FGF14: variants seen among roughly 807,000 people sequenced by gnomAD.
The protein encoded by FGF14 is fibroblast growth factor homologous factor 4.
A neutral mutation model predicts 25.5 loss-of-function variants in FGF14; 5 were observed. The observed-to-expected ratio is 0.20, with a 90% CI of 0.10 to 0.41. The LOEUF (loss-of-function observed/expected upper bound fraction) is 0.41. FGF14 is among the 10% of genes least tolerant of loss of function. The pLI, the probability that FGF14 is intolerant of heterozygous loss-of-function variation, is 1.00. For synonymous variants in FGF14, 138 were observed against 118.3 expected (o/e 1.17, Z -1.08); for missense variants, 222 against 320.1 (o/e 0.69, Z 2.34).
chr13:102,164,445 T>G, intron 1 of FGF14, among the ~76,000 whole-genome samples: 1 of 152,112 alleles, frequency 6.6e-6, no homozygotes, highest in Middle Eastern at 3.2e-3. Context: ...AAACAAACAA[T>G]ATCTTTGGGA....
chr13:102,025,871 C>T (rs1035015908), intron 1 of FGF14, among the ~76,000 whole-genome samples: 1 of 151,888 alleles, frequency 6.6e-6, no homozygotes, highest in Admixed American at 6.6e-5. Flanking sequence ...TTGTCAAATT[C>T]ATTTATTAGT....
chr13:102,015,781 T>C (rs899890691), intron 1 of FGF14, among the ~76,000 whole-genome samples: 1 of 152,146 alleles, frequency 6.6e-6, no homozygotes, highest in Non-Finnish European at 1.5e-5. Context: ...GCTCAATGCA[T>C]GCTGTTACCT....
intron 1 of FGF14, among the ~76,000 whole-genome samples, chr13:102,246,751 C>T (rs1594567430): frequency 6.8e-6 from 1 of 148,082 alleles, no homozygotes; most frequent in South Asian, 2.1e-4. Flanking sequence ...TTATATGGAA[C>T]ATATATATAT....
intron 1 of FGF14, among the ~76,000 whole-genome samples, chr13:101,931,430 T>C (rs2034742441): frequency 6.6e-6 from 1 of 152,194 alleles, no homozygotes; most frequent in Non-Finnish European, 1.5e-5. Context: ...ATGCTCTCTT[T>C]AGTCACAACA....
chr13:102,127,012 G>A (rs1456457576), intron 1 of FGF14, among the ~76,000 whole-genome samples: 3 of 152,000 alleles, frequency 2.0e-5, no homozygotes, highest in Non-Finnish European at 4.4e-5. Flanking sequence ...GTAACTGCAG[G>A]GTCACTAGAA....
intron 1 of FGF14, among the ~76,000 whole-genome samples, chr13:102,145,971 G>A (rs1212412238): frequency 6.6e-6 from 1 of 152,170 alleles, no homozygotes; most frequent in African/African-American, 2.4e-5. Flanking sequence ...TTGTGCATTA[G>A]GAGAAAACAG....
intron 1 of FGF14, among the ~76,000 whole-genome samples, chr13:102,241,060 T>G (rs1049731119): frequency 2.6e-5 from 4 of 152,104 alleles, no homozygotes; most frequent in Admixed American, 2.6e-4. Flanking sequence ...ATGTTTGGCT[T>G]TACCAGAAAT....
chr13:101,846,102 G>A (rs546094184), intron 3 of FGF14, among the ~76,000 whole-genome samples: 1 of 152,010 alleles, frequency 6.6e-6, no homozygotes, highest in South Asian at 2.1e-4. Context: ...ACCTAACATT[G>A]TAGTTTAAGT....
chr13:102,344,802 A>G (rs548626372), intron 1 of FGF14, among the ~76,000 whole-genome samples: 2 of 152,068 alleles, frequency 1.3e-5, no homozygotes, highest in Admixed American at 1.3e-4. Flanking sequence ...CAGGTAAAGA[A>G]AGGTGCAAAG....
chr13:102,343,127 G>A (rs2057001317), intron 1 of FGF14, among the ~76,000 whole-genome samples: 1 of 152,140 alleles, frequency 6.6e-6, no homozygotes, highest in East Asian at 1.9e-4. Flanking sequence ...TCAACTAATT[G>A]TCATGCAGGG....
At chr13:102,391,387 CAT>C (rs2058429785) in intron 1 of FGF14, among the ~76,000 whole-genome samples, 1 of 152,198 alleles carries the variant, frequency 6.6e-6, no homozygotes, top group Non-Finnish European at 1.5e-5. Flanking sequence ...ATCTGCCACA[CAT>C]GTACCAGAAT....
chr13:102,074,067 C>T (rs897745176), intron 1 of FGF14, among the ~76,000 whole-genome samples: 1 of 152,166 alleles, frequency 6.6e-6, no homozygotes, highest in East Asian at 1.9e-4. Flanking sequence ...GTGTGGAGTA[C>T]AGTGGTGTAT....
intron 1 of FGF14, among the ~76,000 whole-genome samples, chr13:101,989,946 T>C (rs2038805355): frequency 6.6e-6 from 1 of 152,172 alleles, no homozygotes; most frequent in Non-Finnish European, 1.5e-5. Context: ...AAGCACACGC[T>C]GGATTTATTA....
chr13:101,842,992 C>T (rs75115878), intron 3 of FGF14, among the ~76,000 whole-genome samples: 3 of 152,142 alleles, frequency 2.0e-5, no homozygotes, highest in South Asian at 2.1e-4. Context: ...AACGACTGTT[C>T]GTCTATACGG....
At chr13:102,154,524 C>T (rs2047232654) in intron 1 of FGF14, among the ~76,000 whole-genome samples, 1 of 152,142 alleles carries the variant, frequency 6.6e-6, no homozygotes, top group African/African-American at 2.4e-5. Flanking sequence ...AAGTACTAAA[C>T]ATGGAAAGGA....
chr13:102,184,057 G>T (rs2048783133), intron 1 of FGF14, among the ~76,000 whole-genome samples: 1 of 152,140 alleles, frequency 6.6e-6, no homozygotes, highest in Non-Finnish European at 1.5e-5. Flanking sequence ...CATTCTGCAG[G>T]AGTCTTGTGA....
chr13:101,715,703 A>G lies in FGF14; in HGVS notation c.*7128T>C. 8.0e-7 allele frequency: 1 copy of G among 1,248,542 alleles called. No homozygotes were observed. The highest frequency in any genetic ancestry group is 1.2e-5 in the South Asian group (1 of 83,612). The allele number at this position is 1,248,542 out of a possible 1,614,324, so 77.3% of individuals were successfully genotyped here. ...TTCTTATTTTTTCTGGGCCATTAGAACAGATAAATGCGAAGGAAACCATGT... is the reference window on the plus strand; with the variant it reads ...TTCTTATTTTTTCTGGGCCATTAGAGCAGATAAATGCGAAGGAAACCATGT... On this transcript the variant is annotated 3_prime_UTR_variant, in exon 5 of 5. Coordinates refer to ENST00000376143, the MANE Select transcript of FGF14 (RefSeq NM_004115.4).
intron 1 of FGF14, among the ~76,000 whole-genome samples, chr13:101,989,850 T>C (rs1169941997): frequency 6.6e-6 from 1 of 152,158 alleles, no homozygotes; most frequent in African/African-American, 2.4e-5. Context: ...TTATTGTTTT[T>C]AATCCTTTCG....
chr13:102,197,720 T>C (rs1445534131), intron 1 of FGF14, among the ~76,000 whole-genome samples: 1 of 152,116 alleles, frequency 6.6e-6, no homozygotes, highest in African/African-American at 2.4e-5. Context: ...AACACACGTA[T>C]AGATATACAT....
Sources: allele counts gnomAD v4.1 joint callset (sites outside exome capture counted in the v4.1 genomes callset), GRCh38; gene constraint gnomAD v4.1.1; transcripts MANE v1.5; gene names NCBI Gene and HGNC (gene_info 2026-07-23, HGNC 2026-07-21).